Variants in EEA1 observed in about 807,000 individuals in gnomAD.
EEA1 encodes the protein early endosome antigen 1, 162kD.
Under a neutral mutation model 209.2 loss-of-function variants are expected in EEA1, and 111 were observed. That is an observed-to-expected ratio of 0.53 (90% CI 0.45 to 0.62). EEA1 has a LOEUF of 0.62. EEA1 is among the 20% of genes least tolerant of loss of function. EEA1 has a pLI of 0.00. For missense variants in EEA1, 1,343 were observed against 1,530.8 expected, an observed-to-expected ratio of 0.88 and a Z score of 2.05; for synonymous variants, 536 against 540.6, an observed-to-expected ratio of 0.99 and a Z score of 0.12.
chr12:92,833,186 C>A (rs1592726637), intron 10 of EEA1, among the ~76,000 whole-genome samples: 1 of 152,222 alleles, frequency 6.6e-6, no homozygotes, highest in South Asian at 2.1e-4. Context: ...ATTCTACCAA[C>A]AAATTATTTT....
intron 9 of EEA1, among the ~76,000 whole-genome samples, chr12:92,844,504 T>C (rs1877310113): frequency 6.6e-6 from 1 of 152,078 alleles, no homozygotes; most frequent in Non-Finnish European, 1.5e-5. Context: ...TGTTGAAATA[T>C]TCATGTATTT....
chr12:92,812,889 A>T, intron 16 of EEA1, 91 bp downstream of exon 16: 1 of 848,790 alleles, frequency 1.2e-6, no homozygotes, highest in Non-Finnish European at 1.7e-6. Flanking sequence ...TCACAAGATT[A>T]TACAAAACTG....
At position 92,776,128 on chromosome 12, in the gene EEA1, G is replaced by C. The variant is rs1387416683; in HGVS notation, c.4119C>G (p.His1373Gln). The C allele has an allele frequency of 1.9e-6, 3 of 1,604,644 alleles. No homozygotes were observed. Among genetic ancestry groups the C allele is most frequent in the Non-Finnish European group, 2.6e-6 (3 of 1,175,392 alleles). The change falls in exon 29 of 29, where the codon CAC (histidine) becomes CAG (glutamine). Residue 1373 changes from histidine (H) to glutamine (Q), a missense_variant. Transcript: ENST00000322349. ...AGAAGATATTTCCACACTGTCGGCA[G>C]TGATGCTGTAAATGACAAAAATTAA... is the stretch of plus-strand genomic sequence containing the variant. ...KGFSVTVRRH[H>Q]CRQCGNIFCA...
chr12:92,784,001 GT>G (rs1422453221), intron 22 of EEA1, among the ~76,000 whole-genome samples: 1 of 151,972 alleles, frequency 6.6e-6, no homozygotes, highest in East Asian at 1.9e-4. Flanking sequence ...CTTCTTACCA[GT>G]AACCCAGTTA....
rs1873934226 is a variant in EEA1, at chr12:92,782,123, T to C, written c.3163A>G (p.Lys1055Glu). ...AAGTCCTCCTGTGCTAGAGAAAGCT[T>C]CTCTTCTACAGACTTACAAAAACAA... is the stretch of plus-strand genomic sequence containing the variant. ...TRQDLKSVEE[K>E]LSLAQEDLIS... Residue 1055 changes from lysine (K) to glutamate (E), a missense_variant, in exon 23 of 29, where the codon AAG becomes GAG. By Grantham distance (56) the Lys-to-Glu change is moderately conservative. This residue lies in a region of EEA1 where 1,307 missense variants were observed against 1,465.5 expected (regional missense o/e 0.89). Transcript: ENST00000322349. The C allele has an allele frequency of 1.1e-5, 17 of 1,608,716 alleles. No homozygotes were observed. Among genetic ancestry groups the C allele is most frequent in the Non-Finnish European group, 1.4e-5 (16 of 1,177,206 alleles).
chr12:92,928,283 ATCTT>A (rs1370517968), intron 1 of EEA1, among the ~76,000 whole-genome samples: 1 of 152,188 alleles, frequency 6.6e-6, no homozygotes, highest in African/African-American at 2.4e-5. Context: ...TAATGCTCTA[ATCTT>A]TCTATCCTCA....
chr12:92,880,953 G>C (rs999442909), intron 2 of EEA1, among the ~76,000 whole-genome samples: 3 of 152,188 alleles, frequency 2.0e-5, no homozygotes, highest in African/African-American at 7.2e-5. Context: ...GACAAGGAAT[G>C]ACAGACTGAT....
At position 92,770,687 on chromosome 12, in the gene EEA1, T is replaced by C. The variant is rs1225546382; in HGVS notation, c.*5324A>G. ...ATCTTTAGATACAAAGCTTGATTGTTCTTTTAATATACAAAGCAATAAATA... is the reference window on the plus strand; with the variant it reads ...ATCTTTAGATACAAAGCTTGATTGTCCTTTTAATATACAAAGCAATAAATA... On this transcript the variant is annotated 3_prime_UTR_variant, in exon 29 of 29. Coordinates refer to ENST00000322349, the MANE Select transcript of EEA1 (RefSeq NM_003566.4). 6.6e-6 allele frequency: 1 copy of C among 152,628 alleles called. No individual in the cohort carries two copies. The highest frequency in any genetic ancestry group is 1.5e-5 in the Non-Finnish European group (1 of 68,370). 9.5% of individuals were successfully genotyped at this position (152,628 alleles called of 1,614,324 possible).
At chr12:92,870,525 T>C (rs1592748189) in intron 2 of EEA1, among the ~76,000 whole-genome samples, 3 of 152,330 alleles carry the variant, frequency 2.0e-5, no homozygotes, top group Admixed American at 6.5e-5. Context: ...CTGTTACTTA[T>C]GAGAGTATGT....
chr12:92,823,035 G>A (rs184161766), intron 13 of EEA1, among the ~76,000 whole-genome samples: 2 of 152,166 alleles, frequency 1.3e-5, no homozygotes, highest in Admixed American at 6.5e-5. Context: ...TACCTCCTAA[G>A]TATTTCTCAC....
intron 11 of EEA1, among the ~76,000 whole-genome samples, chr12:92,830,027 G>A (rs1340640204): frequency 6.6e-6 from 1 of 151,716 alleles, no homozygotes; most frequent in Non-Finnish European, 1.5e-5. Flanking sequence ...GGGCGGGTGA[G>A]GGTTGAAAAA....
At chr12:92,905,419 G>A (rs958635764) in intron 1 of EEA1, 1 of 146,968 alleles carries the variant, frequency 6.8e-6, no homozygotes, top group African/African-American at 2.5e-5. Flanking sequence ...CCAACATGGT[G>A]AAACCCCATC....
intron 18 of EEA1, 146 bp downstream of exon 18, chr12:92,808,871 A>T (rs1297522253): frequency 1.6e-5 from 10 of 628,570 alleles, no homozygotes; most frequent in Non-Finnish European, 2.4e-5. Flanking sequence ...TTTCATTCAC[A>T]TTAACATCAG....
intron 22 of EEA1, among the ~76,000 whole-genome samples, chr12:92,786,278 T>A (rs1874127422): frequency 6.6e-6 from 1 of 152,158 alleles, no homozygotes; most frequent in South Asian, 2.1e-4. Context: ...GTAACTCCCT[T>A]TAGTGGTTCC....
chr12:92,834,423 T>C (rs1876814266), intron 10 of EEA1, among the ~76,000 whole-genome samples: 1 of 151,478 alleles, frequency 6.6e-6, no homozygotes, highest in South Asian at 2.1e-4. Flanking sequence ...TATGCACCTA[T>C]AGACCTAGCT....
intron 21 of EEA1, among the ~76,000 whole-genome samples, chr12:92,790,710 C>T (rs1272656094): frequency 1.3e-5 from 2 of 152,078 alleles, no homozygotes; most frequent in Non-Finnish European, 2.9e-5. Flanking sequence ...CAGGATATTA[C>T]CCAGGAGAAC....
At position 92,812,974 on chromosome 12, in the gene EEA1, C is replaced by G; in HGVS notation, c.2043+6G>C. On this transcript the variant is annotated splice_donor_region_variant and intron_variant, in intron 16 of 28. Transcript: ENST00000322349. ...TGATAGTATGAAATTGCATCTGTTT[C>G]CCTACCTGCTGTTTATCTTGTAATG... is the stretch of plus-strand genomic sequence containing the variant. 1 of 1,555,736 alleles carries G rather than the reference C, an allele frequency of 6.4e-7. No individual in the cohort carries two copies. The highest frequency in any genetic ancestry group is 8.8e-7 in the Non-Finnish European group (1 of 1,141,114).
chr12:92,828,061 A>G lies in EEA1; in HGVS notation c.1255T>C (p.Leu419=). The change falls in exon 12 of 29, where the codon TTA becomes CTA. Residue 419 remains leucine, a splice_region_variant and synonymous_variant. Coordinates refer to ENST00000322349, the MANE Select transcript of EEA1 (RefSeq NM_003566.4). ...GLQLQSEINQ[L]HSKLLETERQ... ...TCTGTCTCCAGAAGTTTGCTATGTA[A>G]CTTTAAAAAAAGAAAAAAAAATGTA... is the stretch of plus-strand genomic sequence containing the variant. 1 of 1,549,074 alleles carries G rather than the reference A, an allele frequency of 6.5e-7. No individual in the cohort carries two copies. The highest frequency in any genetic ancestry group is 8.7e-7 in the Non-Finnish European group (1 of 1,155,634).
At chr12:92,871,861 A>G (rs1878665569) in intron 2 of EEA1, among the ~76,000 whole-genome samples, 1 of 152,128 alleles carries the variant, frequency 6.6e-6, no homozygotes, top group Non-Finnish European at 1.5e-5. Flanking sequence ...TGTAAGACCT[A>G]TTATCGGCAA....
Sources: gnomAD v4.1 joint callset for allele counts (sites outside exome capture counted in the v4.1 genomes callset) on GRCh38, gnomAD v4.1.1 for gene constraint, gnomAD v4.1.1 regional missense constraint, MANE v1.5 for transcripts, NCBI Gene and HGNC (gene_info 2026-07-23, HGNC 2026-07-21) for gene names.